The following FRMD4A variants were observed in gnomAD, a reference collection of about 807,000 sequenced individuals.
The protein encoded by FRMD4A is FERM domain-containing protein 4A.
In FRMD4A, 29 loss-of-function variants were observed where a neutral mutation model predicts 129.1. The observed-to-expected ratio is 0.22, with a 90% CI of 0.17 to 0.31. FRMD4A has a LOEUF of 0.31. Ranked by LOEUF, FRMD4A falls within the 10% of genes least tolerant of loss-of-function variation. FRMD4A has a pLI of 1.00. For synonymous variants in FRMD4A, 634 were observed against 571.6 expected (o/e 1.11, Z -1.56); for missense variants, 1,272 against 1,375.8 (o/e 0.92, Z 1.19).
chr10:14,305,174 T>G (rs1168846814), intron 2 of FRMD4A, among the ~76,000 whole-genome samples: 1 of 152,208 alleles, frequency 6.6e-6, no homozygotes, highest in Non-Finnish European at 1.5e-5. Flanking sequence ...GAAAAGCAGT[T>G]AGTGAAAGAT....
intron 2 of FRMD4A, among the ~76,000 whole-genome samples, chr10:14,292,808 A>C (rs535093894): frequency 6.6e-6 from 1 of 152,200 alleles, no homozygotes; most frequent in Non-Finnish European, 1.5e-5. Context: ...TCAAAAAAAA[A>C]ACCAAAACAT....
chr10:13,881,931 G>A (rs1159129790), intron 2 of FRMD4A, among the ~76,000 whole-genome samples: 1 of 151,314 alleles, frequency 6.6e-6, no homozygotes, highest in Non-Finnish European at 1.5e-5. Context: ...GCAATGTGAA[G>A]GGAGCAATTG....
intron 2 of FRMD4A, among the ~76,000 whole-genome samples, chr10:14,320,404 T>C (rs1318756154): frequency 1.3e-5 from 2 of 152,026 alleles, no homozygotes. Flanking sequence ...CCCTTGGCGG[T>C]TTAACATTTC....
At chr10:13,846,898 G>T (rs993694797) in intron 3 of FRMD4A, among the ~76,000 whole-genome samples, 2 of 152,328 alleles carry the variant, frequency 1.3e-5, no homozygotes, top group African/African-American at 4.8e-5. Flanking sequence ...CATGGAACTA[G>T]GCAGGGTGGC....
rs900223753 is a variant in FRMD4A at position 14,186,787 on chromosome 10, T to C, written c.45+143271A>G. Among the ~76,000 whole-genome samples, 3 of 152,260 alleles carry C rather than the reference T, an allele frequency of 2.0e-5. No individual in the cohort carries two copies. In the East Asian group the frequency reaches 5.8e-4, roughly 29 times the overall value. On this transcript the variant is annotated intron_variant, in intron 2 of 24. Coordinates refer to ENST00000357447, the MANE Select transcript of FRMD4A (RefSeq NM_018027.5). ...TGGCAAAGAAGATCATAGCTTTGAC[T>C]GTTCAGGGTGGCCTTGGACACAAGT...
At chr10:13,780,637 C>G (rs1418358107) in intron 6 of FRMD4A, among the ~76,000 whole-genome samples, 1 of 152,206 alleles carries the variant, frequency 6.6e-6, no homozygotes, top group Non-Finnish European at 1.5e-5. Context: ...AGATACACCT[C>G]ACACCCATTG....
At chr10:13,673,586 G>GCACACA (rs201822371) in intron 16 of FRMD4A, among the ~76,000 whole-genome samples, 5 of 149,808 alleles carry the variant, frequency 3.3e-5, no homozygotes, top group African/African-American at 1.3e-4. Context: ...GCGTGCGCGC[G>GCACACA]CGCACACACA....
intron 2 of FRMD4A, among the ~76,000 whole-genome samples, chr10:14,213,759 T>C (rs1394698644): frequency 6.6e-6 from 1 of 152,180 alleles, no homozygotes; most frequent in African/African-American, 2.4e-5. Context: ...TCATCTTGAA[T>C]TGTAGCTCCC....
intron 2 of FRMD4A, among the ~76,000 whole-genome samples, chr10:14,129,234 T>C (rs1336911168): frequency 6.6e-6 from 1 of 151,750 alleles, no homozygotes; most frequent in Admixed American, 6.6e-5. Context: ...ACCGTATATC[T>C]AGTTAGCAAT....
At chr10:14,155,969 T>C (rs1840575001) in intron 2 of FRMD4A, among the ~76,000 whole-genome samples, 1 of 152,146 alleles carries the variant, frequency 6.6e-6, no homozygotes, top group South Asian at 2.1e-4. Context: ...TCACCATCTT[T>C]GGAGAGCAAT....
chr10:14,098,464 C>T (rs1003800015), intron 2 of FRMD4A, among the ~76,000 whole-genome samples: 6 of 151,754 alleles, frequency 4.0e-5, no homozygotes, highest in Non-Finnish European at 5.9e-5. Context: ...AGTGCACTGG[C>T]ACGATCTTGG....
rs539971124 is a variant in FRMD4A, at chr10:13,742,652, G to T, written c.549-2075C>A. Reference sequence around the variant, plus strand: ...CTGCCTCAGTCTTCCGAATAGCTGGGATTATAGGTGTGCACCACCACGCCT... The same window carrying T: ...CTGCCTCAGTCTTCCGAATAGCTGGTATTATAGGTGTGCACCACCACGCCT... On this transcript the variant is annotated intron_variant, in intron 9 of 24. Transcript: ENST00000357447. Among the ~76,000 whole-genome samples, 5 of 152,256 alleles carry T rather than the reference G, an allele frequency of 3.3e-5. No homozygotes were observed. The East Asian group carries it at 9.6e-4, about 29-fold the overall frequency.
At chr10:13,779,788 C>A (rs375126611) in intron 6 of FRMD4A, among the ~76,000 whole-genome samples, 22 of 146,934 alleles carry the variant, frequency 1.5e-4, no homozygotes, top group Admixed American at 1.3e-4. Flanking sequence ...AATTCACTCT[C>A]AAAAAAAAAA....
rs575385167 is a variant in FRMD4A, at chr10:13,869,951, G to T, written c.46-11039C>A. Among the ~76,000 whole-genome samples, 236 of 152,348 alleles carry T rather than the reference G, an allele frequency of 1.5e-3. 1 individual carries two copies. Among genetic ancestry groups the T allele is most frequent in the Non-Finnish European group, 2.7e-3 (185 of 68,034 alleles). ...TTTGGTTCTGCAACTGGAGCAACCG[G>T]AGTCTCTGAAGAGCTACAGAGCCTT... On this transcript the variant is annotated intron_variant, in intron 2 of 24. Coordinates refer to ENST00000357447, the MANE Select transcript of FRMD4A (RefSeq NM_018027.5).
intron 2 of FRMD4A, among the ~76,000 whole-genome samples, chr10:14,273,397 C>T (rs1845231914): frequency 6.6e-6 from 1 of 152,170 alleles, no homozygotes; most frequent in African/African-American, 2.4e-5. Context: ...TATGTTCAAA[C>T]ATTCAACTTT....
rs79973594 is a variant in FRMD4A at position 13,706,511 on chromosome 10, A to G, written c.836+526T>C. ...AATTTCATTTCTTTCACATCCACCC[A>G]CAATACTAACATCCTAAAATTACAG... On this transcript the variant is annotated intron_variant, in intron 13 of 24. Coordinates refer to ENST00000357447, the MANE Select transcript of FRMD4A (RefSeq NM_018027.5). Among the ~76,000 whole-genome samples, 1,116 of 152,294 alleles carry G rather than the reference A, an allele frequency of 7.3e-3. 13 individuals carry two copies. Among genetic ancestry groups the G allele is most frequent in the African/African-American group, 0.025 (1,039 of 41,538 alleles).
At chr10:13,877,823 TG>T (rs2094503656) in intron 2 of FRMD4A, among the ~76,000 whole-genome samples, 1 of 152,162 alleles carries the variant, frequency 6.6e-6, no homozygotes, top group African/African-American at 2.4e-5. Context: ...AGACACTTCA[TG>T]GAGATCTGCC....
At chr10:14,034,515 T>A (rs546516695) in intron 2 of FRMD4A, among the ~76,000 whole-genome samples, 3 of 152,090 alleles carry the variant, frequency 2.0e-5, no homozygotes, top group Middle Eastern at 3.4e-3. Context: ...ACAGTGTCCA[T>A]CCCTGAGAAA....
At chr10:14,204,925 G>GC (rs1223167762) in intron 2 of FRMD4A, among the ~76,000 whole-genome samples, 2 of 152,136 alleles carry the variant, frequency 1.3e-5, no homozygotes, top group Non-Finnish European at 2.9e-5. Flanking sequence ...AAGAACCGAT[G>GC]CCCCAACAGA....
Sources: allele counts gnomAD v4.1 joint callset (sites outside exome capture counted in the v4.1 genomes callset), GRCh38; gene constraint gnomAD v4.1.1; transcripts MANE v1.5; gene names NCBI Gene and HGNC (gene_info 2026-07-23, HGNC 2026-07-21).